Variants in LACTBL1 observed in about 807,000 individuals in gnomAD.
The protein encoded by LACTBL1 is beta-lactamase-like protein 1.
LACTBL1 carries 29 observed loss-of-function variants against 39.6 expected under a neutral mutation model. The observed-to-expected ratio is 0.73, with a 90% CI of 0.55 to 1.00. The LOEUF is 1.00. Ranked by LOEUF, LACTBL1 falls within the 50% of genes least tolerant of loss-of-function variation. The pLI, the probability that LACTBL1 is intolerant of heterozygous loss-of-function variation, is 0.00. For missense variants in LACTBL1, 711 were observed against 748.5 expected (o/e 0.95, Z 0.59); for synonymous variants, 361 against 360.7 (o/e 1.00, Z -0.01).
chr1:22,953,985 G>A (rs1570497353), exon 6 of LACTBL1: 1 of 1,547,340 alleles, frequency 6.5e-7, no homozygotes, highest in East Asian at 2.5e-5. Flanking sequence ...CTGCCAGGAC[G>A]TGGGCCAGGA....
the LACTBL1 span, among the ~76,000 whole-genome samples, chr1:22,972,145 TGATGATGATGATGA>T: frequency 4.8e-4 from 3 of 6,248 alleles, no homozygotes; most frequent in Non-Finnish European, 1.5e-3. Flanking sequence ...CTAGAGATGA[TGATGATGATGATGA>T]TGATGATGAT....
At chr1:22,968,712 C>G (rs1213275652), upstream of LACTBL1, among the ~76,000 whole-genome samples, 1 of 152,120 alleles carries the variant, frequency 6.6e-6, no homozygotes, top group South Asian at 2.1e-4. Flanking sequence ...AGCCACTTAC[C>G]ACTGCGTGAC....
chr1:22,970,283 C>T (rs1557439397), upstream of LACTBL1, among the ~76,000 whole-genome samples: 3 of 152,142 alleles, frequency 2.0e-5, no homozygotes, highest in South Asian at 6.2e-4. Context: ...TGTAAAGGAA[C>T]GAGCTACTGA....
chr1:22,960,397 C>T (rs188153594), intron 2 of LACTBL1, among the ~76,000 whole-genome samples: 18 of 152,272 alleles, frequency 1.2e-4, no homozygotes, highest in African/African-American at 4.3e-4. Context: ...GGGCAGATCA[C>T]CTGAGGTCAG....
upstream of LACTBL1, among the ~76,000 whole-genome samples, chr1:22,969,047 G>A (rs886747861): frequency 6.6e-6 from 1 of 152,070 alleles, no homozygotes; most frequent in African/African-American, 2.4e-5. Context: ...GAAAGTGCTG[G>A]GATTACAGGC....
chr1:22,968,874 T>TA (rs1557438438), upstream of LACTBL1, among the ~76,000 whole-genome samples: 1 of 152,210 alleles, frequency 6.6e-6, no homozygotes, highest in Admixed American at 6.5e-5. Flanking sequence ...TGTTAGCTAT[T>TA]ACGGTATTTG....
chr1:22,958,870 C>G, exon 4 of LACTBL1: 1 of 1,550,546 alleles, frequency 6.4e-7, no homozygotes, highest in South Asian at 1.2e-5. Flanking sequence ...GCCCTCCTCC[C>G]ACAGACGGTA....
chr1:22,953,843 C>T (rs1215291641), exon 6 of LACTBL1: 5 of 1,548,244 alleles, frequency 3.2e-6, no homozygotes, highest in African/African-American at 1.4e-5. Flanking sequence ...GCCGGCCGCC[C>T]GCTGCCGTAG....
At chr1:22,960,710 C>A (rs1323430212) in intron 2 of LACTBL1, among the ~76,000 whole-genome samples, 1 of 151,294 alleles carries the variant, frequency 6.6e-6, no homozygotes, top group Non-Finnish European at 1.5e-5. Context: ...TAGCCTGAAC[C>A]CCTAGTGTTG....
At chr1:22,956,593 C>G (rs1196590518) in intron 4 of LACTBL1, among the ~76,000 whole-genome samples, 1 of 152,120 alleles carries the variant, frequency 6.6e-6, no homozygotes, top group East Asian at 1.9e-4. Context: ...TAGTACCTGT[C>G]TTCACCCCCT....
chr1:22,967,567 T>TATAC (rs1553119669), upstream of LACTBL1, among the ~76,000 whole-genome samples: 30 of 148,518 alleles, frequency 2.0e-4, no homozygotes, highest in African/African-American at 7.2e-4. Flanking sequence ...TCCATATATA[T>TATAC]ACACACACAC....
At chr1:22,955,880 G>A (rs1640756558) in intron 4 of LACTBL1, among the ~76,000 whole-genome samples, 1 of 151,508 alleles carries the variant, frequency 6.6e-6, no homozygotes, top group African/African-American at 2.4e-5. Context: ...TGGCCAACAT[G>A]GTGAAACCCC....
At chr1:22,955,286 T>C in intron 5 of LACTBL1, 35 bp downstream of exon 7, 1 of 1,509,830 alleles carries the variant, frequency 6.6e-7, no homozygotes, top group Non-Finnish European at 9.0e-7. Context: ...AGGAGGCTCC[T>C]AACATGAGGC....
upstream of LACTBL1, among the ~76,000 whole-genome samples, chr1:22,966,825 T>G (rs1484680817): frequency 6.6e-6 from 1 of 152,178 alleles, no homozygotes; most frequent in African/African-American, 2.4e-5. Flanking sequence ...GGCACCTGCC[T>G]CCACTTAGTC....
At chr1:22,967,644 TAGAGAGAG>T (rs1274043104), upstream of LACTBL1, among the ~76,000 whole-genome samples, 6 of 151,426 alleles carry the variant, frequency 4.0e-5, no homozygotes, top group Non-Finnish European at 5.9e-5. Flanking sequence ...CATATATATA[TAGAGAGAG>T]AGAGAGAGAG....
chr1:22,960,353 T>C (rs1343544462), intron 2 of LACTBL1, among the ~76,000 whole-genome samples: 2 of 152,106 alleles, frequency 1.3e-5, no homozygotes, highest in Non-Finnish European at 2.9e-5. Flanking sequence ...TGGTGGCTCA[T>C]GCCTGTAATC....
intron 1 of LACTBL1, among the ~76,000 whole-genome samples, chr1:22,964,447 C>A (rs183447275): frequency 2.0e-5 from 3 of 152,318 alleles, no homozygotes; most frequent in Admixed American, 2.0e-4. Flanking sequence ...CACCGCCCCC[C>A]TCAACCCGAC....
the LACTBL1 span, chr1:22,972,396 G>A: frequency 1.0e-4 from 100 of 985,214 alleles, no homozygotes; most frequent in Middle Eastern, 1.6e-3. Flanking sequence ...AGGAAACTGA[G>A]TCAGAGGAGT....
exon 5 of LACTBL1, chr1:22,955,361 G>C: frequency 6.4e-7 from 1 of 1,550,592 alleles, no homozygotes; most frequent in Non-Finnish European, 8.7e-7. Context: ...TCCTTGAGCA[G>C]GTTCAGGGCC....
Sources: allele counts gnomAD v4.1 joint callset (sites outside exome capture counted in the v4.1 genomes callset), GRCh38; gene constraint gnomAD v4.1.1; transcripts MANE v1.5; gene names NCBI Gene and HGNC (gene_info 2026-07-23, HGNC 2026-07-21).